The following DCC variants were observed in gnomAD, a reference collection of about 807,000 sequenced individuals.
DCC encodes netrin receptor DCC.
DCC carries 58 observed loss-of-function variants against 172.5 expected under a neutral mutation model. The observed-to-expected ratio is 0.34, with a 90% CI of 0.27 to 0.42. The LOEUF (loss-of-function observed/expected upper bound fraction) is 0.42. Among genes scored for constraint, DCC ranks in the 10% least tolerant of loss-of-function variants. The probability of loss-of-function intolerance (pLI) is 1.00; values close to 1 mark genes in which losing one functional copy is unlikely to be tolerated. For synonymous variants in DCC, 709 were observed against 644.5 expected (o/e 1.10, Z -1.52); for missense variants, 1,740 against 1,791.0 (o/e 0.97, Z 0.51).
At chr18:52,458,771 C>T (rs551370965) in intron 1 of DCC, among the ~76,000 whole-genome samples, 11 of 152,304 alleles carry the variant, frequency 7.2e-5, no homozygotes, top group African/African-American at 2.6e-4. Flanking sequence ...CATTGTGCTA[C>T]ATACAGTTTT....
intron 12 of DCC, among the ~76,000 whole-genome samples, chr18:53,282,689 T>A (rs1243753796): frequency 1.3e-5 from 2 of 152,162 alleles, no homozygotes; most frequent in African/African-American, 4.8e-5. Flanking sequence ...AAGGACAATT[T>A]TTAAAAAGAT....
intron 2 of DCC, among the ~76,000 whole-genome samples, chr18:52,845,370 T>C (rs1290350286): frequency 6.6e-6 from 1 of 152,218 alleles, no homozygotes; most frequent in Non-Finnish European, 1.5e-5. Flanking sequence ...ATTATCCCAC[T>C]GGATGATCTC....
At chr18:52,456,589 A>G (rs1033816441) in intron 1 of DCC, among the ~76,000 whole-genome samples, 2 of 152,150 alleles carry the variant, frequency 1.3e-5, no homozygotes, top group African/African-American at 2.4e-5. Flanking sequence ...TGACTTTCAT[A>G]TTTTATTTTT....
intron 1 of DCC, among the ~76,000 whole-genome samples, chr18:52,461,404 T>A (rs1988625898): frequency 6.6e-6 from 1 of 152,228 alleles, no homozygotes; most frequent in Non-Finnish European, 1.5e-5. Context: ...GTAGAAGTCA[T>A]ACACTCTAAA....
At chr18:52,605,189 G>A (rs551437934) in intron 1 of DCC, among the ~76,000 whole-genome samples, 12 of 151,922 alleles carry the variant, frequency 7.9e-5, no homozygotes, top group South Asian at 2.1e-4. Context: ...GTGAAGATGC[G>A]GGTGGAAGCC....
chr18:52,809,782 G>A (rs1254799702), intron 2 of DCC, among the ~76,000 whole-genome samples: 2 of 152,172 alleles, frequency 1.3e-5, no homozygotes, highest in Non-Finnish European at 2.9e-5. Flanking sequence ...GGGACCCAAA[G>A]GGGGTTGCCA....
chr18:52,687,283 CTT>C (rs5824954), intron 1 of DCC, among the ~76,000 whole-genome samples: 54,298 of 126,028 alleles, frequency 0.43, 10,792 homozygotes, highest in Non-Finnish European at 0.49. Flanking sequence ...TTTCTTTTTC[CTT>C]TTTTTTTTTT....
intron 1 of DCC, among the ~76,000 whole-genome samples, chr18:52,600,565 C>T (rs1007633935): frequency 1.3e-5 from 2 of 152,112 alleles, no homozygotes; most frequent in African/African-American, 4.8e-5. Context: ...AATCGAATTG[C>T]TTTGACTTAA....
chr18:52,646,854 C>T lies in DCC; in HGVS notation c.92-105200C>T, dbSNP rs549280163. 7.9e-5 allele frequency among the ~76,000 whole-genome samples: 12 copies of T among 152,252 alleles called. No homozygotes were observed. In the East Asian group the frequency reaches 1.9e-3, roughly 25 times the overall value. On this transcript the variant is annotated intron_variant, in intron 1 of 28. Transcript: ENST00000442544. ...CTTAATCTCGAGCTCCCTCTCTTTT[C>T]CTGGAATCACTGGGTGGAGCTGAAA...
chr18:52,751,512 A>G (rs2036994010), intron 1 of DCC, among the ~76,000 whole-genome samples: 3 of 152,234 alleles, frequency 2.0e-5, no homozygotes, highest in Admixed American at 2.0e-4. Context: ...TGCTTCTGCC[A>G]GTGGGATTTA....
intron 5 of DCC, among the ~76,000 whole-genome samples, 198 bp from the exon 6 acceptor site, chr18:53,063,107 A>T (rs1376612152): frequency 6.6e-6 from 1 of 152,104 alleles, no homozygotes; most frequent in Admixed American, 6.6e-5. Context: ...CACTAACTGC[A>T]ACTGTTTAAC....
At chr18:53,180,273 T>C (rs866304883) in intron 9 of DCC, among the ~76,000 whole-genome samples, 2 of 152,152 alleles carry the variant, frequency 1.3e-5, no homozygotes, top group Admixed American at 6.6e-5. Flanking sequence ...AAAGTATTAA[T>C]TGAAGGGACG....
intron 1 of DCC, among the ~76,000 whole-genome samples, chr18:52,671,104 C>A (rs2035544045): frequency 6.6e-6 from 1 of 152,156 alleles, no homozygotes; most frequent in Non-Finnish European, 1.5e-5. Context: ...GTGACCCCTG[C>A]TGGGGAGGCT....
chr18:53,513,351 C>A (rs1056565434), intron 27 of DCC, among the ~76,000 whole-genome samples: 2 of 152,198 alleles, frequency 1.3e-5, no homozygotes, highest in African/African-American at 4.8e-5. Context: ...CCAGCCGCTG[C>A]AAAATTATGC....
intron 10 of DCC, among the ~76,000 whole-genome samples, chr18:53,206,444 T>C (rs536343735): frequency 7.9e-6 from 1 of 125,860 alleles, no homozygotes; most frequent in South Asian, 2.4e-4. Context: ...TATATACATA[T>C]ATGTGTATAT....
At chr18:52,922,361 G>A (rs1402521051) in intron 3 of DCC, among the ~76,000 whole-genome samples, 1 of 152,086 alleles carries the variant, frequency 6.6e-6, no homozygotes, top group African/African-American at 2.4e-5. Flanking sequence ...GTTGGGTCAG[G>A]CTAATGAAGA....
intron 12 of DCC, among the ~76,000 whole-genome samples, chr18:53,250,550 C>T (rs1234188059): frequency 6.6e-6 from 1 of 151,748 alleles, no homozygotes; most frequent in African/African-American, 2.4e-5. Context: ...CAATATCTGC[C>T]CCTAGTCTCC....
chr18:52,785,413 C>G (rs762106356), intron 2 of DCC, among the ~76,000 whole-genome samples: 1 of 152,068 alleles, frequency 6.6e-6, no homozygotes, highest in Non-Finnish European at 1.5e-5. Flanking sequence ...CCCTTACTCT[C>G]TGCTTAAGTA....
At chr18:52,912,114 G>T (rs1261659748) in intron 3 of DCC, among the ~76,000 whole-genome samples, 1 of 152,074 alleles carries the variant, frequency 6.6e-6, no homozygotes, top group Non-Finnish European at 1.5e-5. Flanking sequence ...ATATCATGGG[G>T]TCTGACACAG....
Sources: gnomAD v4.1 joint callset for allele counts (sites outside exome capture counted in the v4.1 genomes callset) on GRCh38, gnomAD v4.1.1 for gene constraint, MANE v1.5 for transcripts, NCBI Gene and HGNC (gene_info 2026-07-23, HGNC 2026-07-21) for gene names.